The following MDGA2 variants were observed in gnomAD, a reference collection of about 807,000 sequenced individuals.
MDGA2 encodes MAM domain containing glycosylphosphatidylinositol anchor 2.
Under a neutral mutation model 117.8 loss-of-function variants are expected in MDGA2, and 40 were observed. That is an observed-to-expected ratio of 0.34 (90% CI 0.26 to 0.44). The LOEUF (loss-of-function observed/expected upper bound fraction) is 0.44, where lower values mean the gene tolerates loss of function less well. Among genes scored for constraint, MDGA2 ranks in the 20% least tolerant of loss-of-function variants. The pLI is 1.00. For synonymous variants in MDGA2, 452 were observed against 439.0 expected (o/e 1.03, Z -0.37); for missense variants, 1,123 against 1,250.6 (o/e 0.90, Z 1.54).
chr14:47,101,790 AG>A (rs1315385192), intron 5 of MDGA2, among the ~76,000 whole-genome samples: 1 of 152,198 alleles, frequency 6.6e-6, no homozygotes, highest in African/African-American at 2.4e-5. Context: ...AAGTTTTCTG[AG>A]GTTATGGCAG....
rs200625450 is a variant in MDGA2, at chr14:47,561,158, G to GTTTTTTTTTTTTT, written c.280+113358_280+113359insAAAAAAAAAAAAA. Among the ~76,000 whole-genome samples the GTTTTTTTTTTTTT allele has an allele frequency of 1.8e-4, 10 of 55,086 alleles. 1 individual carries two copies. Among genetic ancestry groups the GTTTTTTTTTTTTT allele is most frequent in the Non-Finnish European group, 3.9e-4 (9 of 23,054 alleles). The allele number at this position is 55,086 out of a possible 152,430, so 36.1% of individuals were successfully genotyped here. On this transcript the variant is annotated intron_variant, in intron 1 of 16. Coordinates refer to ENST00000399232, the MANE Select transcript of MDGA2 (RefSeq NM_001113498.3). ...CTATCTTTGTTTTTTTTTTTGTTTT[G>GTTTTTTTTTTTTT]TTTTGTTTTTTTGTTTGTTTGTTTT...
chr14:46,966,183 A>G lies in MDGA2; in HGVS notation c.1820-8540T>C, dbSNP rs138280619. Among the ~76,000 whole-genome samples the G allele has an allele frequency of 3.9e-5, 6 of 152,308 alleles. No individual in the cohort carries two copies. In the East Asian group the frequency reaches 1.2e-3, roughly 29 times the overall value. Reference sequence around the variant, plus strand: ...CACAGATTATCTTTTTATAACAATAACCCATTTATAGAAGAAAAAGAAAAG... The same window carrying G: ...CACAGATTATCTTTTTATAACAATAGCCCATTTATAGAAGAAAAAGAAAAG... On this transcript the variant is annotated intron_variant, in intron 8 of 16. Coordinates refer to ENST00000399232, the MANE Select transcript of MDGA2 (RefSeq NM_001113498.3).
chr14:47,157,593 ATATG>A (rs894441518), intron 3 of MDGA2, among the ~76,000 whole-genome samples: 5 of 125,284 alleles, frequency 4.0e-5, no homozygotes, highest in African/African-American at 1.3e-4. Flanking sequence ...CTATGTACAT[ATATG>A]TGTGTGTGTG....
At chr14:47,567,609 A>G (rs1413343439) in intron 1 of MDGA2, among the ~76,000 whole-genome samples, 3 of 152,152 alleles carry the variant, frequency 2.0e-5, no homozygotes, top group Non-Finnish European at 2.9e-5. Context: ...CATTTGTGGG[A>G]GGGCTGAACA....
At chr14:47,391,541 AT>A (rs1232509336) in intron 1 of MDGA2, among the ~76,000 whole-genome samples, 2 of 152,150 alleles carry the variant, frequency 1.3e-5, no homozygotes, top group African/African-American at 4.8e-5. Context: ...TGTCAACCCC[AT>A]CTCACTTTGG....
intron 1 of MDGA2, among the ~76,000 whole-genome samples, chr14:47,647,664 C>A (rs1393254451): frequency 6.6e-6 from 1 of 152,080 alleles, no homozygotes; most frequent in Non-Finnish European, 1.5e-5. Context: ...TTGGGGTGGG[C>A]AGGTGGCTTG....
intron 5 of MDGA2, among the ~76,000 whole-genome samples, chr14:47,102,841 T>C (rs1157338443): frequency 1.3e-5 from 2 of 152,106 alleles, no homozygotes; most frequent in Non-Finnish European, 2.9e-5. Flanking sequence ...GAAGAATAAA[T>C]ATGCAATCTG....
At chr14:47,344,022 C>A (rs1208988642) in intron 1 of MDGA2, among the ~76,000 whole-genome samples, 1 of 152,100 alleles carries the variant, frequency 6.6e-6, no homozygotes, top group Non-Finnish European at 1.5e-5. Flanking sequence ...TCATTCTTGC[C>A]CCTCTGAGTG....
At chr14:47,048,324 A>G (rs1889336273) in intron 7 of MDGA2, among the ~76,000 whole-genome samples, 1 of 152,130 alleles carries the variant, frequency 6.6e-6, no homozygotes. Flanking sequence ...TATACATCAA[A>G]GGCATTTTAT....
In MDGA2 at chr14:47,267,389, T is replaced by C. The variant is rs564474752; in HGVS notation, c.420+34022A>G. 2.2e-4 allele frequency among the ~76,000 whole-genome samples: 33 copies of C among 152,322 alleles called. No individual in the cohort carries two copies. The South Asian group carries it at 6.4e-3, about 30-fold the overall frequency. Reference sequence around the variant, plus strand: ...ATTCATTTTATTGAATGTTTTTATATGTATTCATCATAACTAATGTTAATG... The same window carrying C: ...ATTCATTTTATTGAATGTTTTTATACGTATTCATCATAACTAATGTTAATG... On this transcript the variant is annotated intron_variant, in intron 2 of 16. Coordinates refer to ENST00000399232, the MANE Select transcript of MDGA2 (RefSeq NM_001113498.3).
intron 1 of MDGA2, among the ~76,000 whole-genome samples, chr14:47,561,163 G>GGTTTTTTTT (rs1555332269): frequency 1.2e-5 from 1 of 83,878 alleles, no homozygotes; most frequent in Non-Finnish European, 2.4e-5. Flanking sequence ...GTTTTGTTTT[G>GGTTTTTTTT]TTTTTTTGTT....
chr14:47,588,237 G>GATAT (rs536923185), intron 1 of MDGA2, among the ~76,000 whole-genome samples: 4 of 123,884 alleles, frequency 3.2e-5, no homozygotes, highest in African/African-American at 6.3e-5. Flanking sequence ...GAGATAGATA[G>GATAT]ATATATATAT....
At chr14:47,070,075 T>A (rs191533204) in intron 6 of MDGA2, among the ~76,000 whole-genome samples, 28 of 152,226 alleles carry the variant, frequency 1.8e-4, no homozygotes, top group African/African-American at 4.8e-4. Flanking sequence ...TACAATCCAA[T>A]TATATGCTTT....
At chr14:47,038,781 A>G (rs955920435) in intron 7 of MDGA2, among the ~76,000 whole-genome samples, 3 of 129,618 alleles carry the variant, frequency 2.3e-5, no homozygotes, top group Non-Finnish European at 5.3e-5. Flanking sequence ...CTAAAAATAC[A>G]AAAAAAAAAA....
At chr14:47,019,314 A>G (rs915345422) in intron 8 of MDGA2, among the ~76,000 whole-genome samples, 1 of 152,184 alleles carries the variant, frequency 6.6e-6, no homozygotes, top group East Asian at 1.9e-4. Context: ...ACACAAAACA[A>G]TAATAATGAG....
intron 1 of MDGA2, among the ~76,000 whole-genome samples, chr14:47,303,766 A>G (rs200608208): frequency 6.5e-4 from 97 of 150,382 alleles, no homozygotes; most frequent in African/African-American, 2.3e-3. Flanking sequence ...GCCCACGTTT[A>G]TTAATATATC....
At chr14:47,242,542 C>T (rs1441565446) in intron 2 of MDGA2, among the ~76,000 whole-genome samples, 2 of 151,830 alleles carry the variant, frequency 1.3e-5, no homozygotes, top group East Asian at 1.9e-4. Context: ...TTGGAGCAGC[C>T]AGCCAGTCCT....
intron 1 of MDGA2, among the ~76,000 whole-genome samples, chr14:47,354,060 A>T (rs186080123): frequency 7.9e-5 from 12 of 152,314 alleles, no homozygotes; most frequent in South Asian, 4.1e-4. Context: ...AAACTATATG[A>T]TCATCTCAAT....
intron 9 of MDGA2, among the ~76,000 whole-genome samples, chr14:46,948,934 T>C (rs1459297728): frequency 6.6e-6 from 1 of 152,056 alleles, no homozygotes; most frequent in East Asian, 1.9e-4. Flanking sequence ...TCTCCATCTC[T>C]GCCTTTTTGG....
Sources: allele counts gnomAD v4.1 joint callset (sites outside exome capture counted in the v4.1 genomes callset), GRCh38; gene constraint gnomAD v4.1.1; transcripts MANE v1.5; gene names NCBI Gene and HGNC (gene_info 2026-07-23, HGNC 2026-07-21).